The following FAM169A variants were observed in gnomAD, a reference collection of about 807,000 sequenced individuals.
The protein encoded by FAM169A is family with sequence similarity 169 member A.
A neutral mutation model predicts 75.7 loss-of-function variants in FAM169A; 24 were observed. That is an observed-to-expected ratio of 0.32 (90% CI 0.23 to 0.45). The LOEUF (loss-of-function observed/expected upper bound fraction) is 0.45. FAM169A is among the 20% of genes least tolerant of loss of function. The pLI, the probability that FAM169A is intolerant of heterozygous loss-of-function variation, is 1.00. For missense variants in FAM169A, 673 were observed against 784.0 expected, an observed-to-expected ratio of 0.86 and a Z score of 1.69; for synonymous variants, 271 against 271.0, an observed-to-expected ratio of 1.00 and a Z score of 0.00.
intron 4 of FAM169A, among the ~76,000 whole-genome samples, chr5:74,835,910 T>C (rs1052536182): frequency 5.3e-5 from 8 of 152,186 alleles, no homozygotes; most frequent in African/African-American, 7.2e-5. Flanking sequence ...TGCAGCCACA[T>C]AGCCTATAAA....
chr5:74,825,270 T>A (rs1319670522), intron 5 of FAM169A, among the ~76,000 whole-genome samples: 1 of 152,158 alleles, frequency 6.6e-6, no homozygotes, highest in Admixed American at 6.5e-5. Flanking sequence ...CCAATCTAGA[T>A]CAGTCAATCT....
chr5:74,863,669 AT>A (rs1750155874), intron 1 of FAM169A, among the ~76,000 whole-genome samples: 16 of 152,220 alleles, frequency 1.1e-4, no homozygotes, highest in Admixed American at 9.8e-4. Context: ...ATAGAGAAAA[AT>A]ATTCGATTTT....
intron 6 of FAM169A, among the ~76,000 whole-genome samples, chr5:74,811,691 T>C (rs912397632): frequency 2.0e-5 from 3 of 152,238 alleles, no homozygotes; most frequent in African/African-American, 7.2e-5. Context: ...TCTTACTTCA[T>C]TGAGTAGTTG....
intron 5 of FAM169A, among the ~76,000 whole-genome samples, chr5:74,822,115 G>C (rs1189812895): frequency 6.6e-6 from 1 of 152,174 alleles, no homozygotes; most frequent in Non-Finnish European, 1.5e-5. Flanking sequence ...GTTAAAGCAA[G>C]TTATAGGGCC....
intron 10 of FAM169A, chr5:74,800,128 G>A: frequency 1.9e-6 from 1 of 533,714 alleles, no homozygotes; most frequent in Non-Finnish European, 3.5e-6. Flanking sequence ...GCTGACTGCA[G>A]CTGTGCCGTG....
At chr5:74,817,172 C>T (rs766945868) in intron 5 of FAM169A, among the ~76,000 whole-genome samples, 12 of 151,988 alleles carry the variant, frequency 7.9e-5, no homozygotes, top group Non-Finnish European at 1.0e-4. Flanking sequence ...TTGCATTCGA[C>T]ATTGTACTAG....
intron 1 of FAM169A, among the ~76,000 whole-genome samples, chr5:74,847,096 G>A (rs1037639987): frequency 2.0e-5 from 3 of 151,990 alleles, no homozygotes; most frequent in African/African-American, 4.8e-5. Context: ...AAACCAAAAC[G>A]CATTCTTCTC....
Position 74,797,280 on chromosome 5 carries a change from G to A in FAM169A, c.1104-1094C>T, listed in dbSNP as rs546788109. Among the ~76,000 whole-genome samples the A allele has an allele frequency of 3.3e-5, 5 of 152,290 alleles. No individual in the cohort carries two copies. The South Asian group carries it at 1.0e-3, about 32-fold the overall frequency. ...CAACCTCCGCCTCCTGGGTTCAAAC[G>A]TTTCTCTTGCCTCAGCCTCCTGAGT... On this transcript the variant is annotated intron_variant, in intron 10 of 12. Transcript: ENST00000687041.
chr5:74,832,511 A>G (rs1353704837), intron 5 of FAM169A, among the ~76,000 whole-genome samples: 2 of 151,570 alleles, frequency 1.3e-5, no homozygotes, highest in African/African-American at 4.8e-5. Context: ...ACTTTCACTC[A>G]ACTACAAATC....
intron 12 of FAM169A, among the ~76,000 whole-genome samples, chr5:74,782,692 C>T (rs1745472180): frequency 6.6e-6 from 1 of 152,042 alleles, no homozygotes; most frequent in African/African-American, 2.4e-5. Context: ...TTCCTAACTA[C>T]AAAGTATTAA....
chr5:74,857,840 T>C (rs953276941), intron 1 of FAM169A, among the ~76,000 whole-genome samples: 4 of 152,074 alleles, frequency 2.6e-5, no homozygotes, highest in East Asian at 3.9e-4. Flanking sequence ...TCTCTGCCCA[T>C]TGTAAGTACT....
intron 5 of FAM169A, among the ~76,000 whole-genome samples, chr5:74,816,658 G>A (rs2112585883): frequency 6.6e-6 from 1 of 152,214 alleles, no homozygotes; most frequent in Non-Finnish European, 1.5e-5. Flanking sequence ...CATATTATCA[G>A]GGACTTTTAA....
At chr5:74,807,627 C>T (rs1015007286) in intron 6 of FAM169A, among the ~76,000 whole-genome samples, 1 of 152,016 alleles carries the variant, frequency 6.6e-6, no homozygotes, top group Non-Finnish European at 1.5e-5. Flanking sequence ...CTAGGATGAC[C>T]GGACACAACC....
intron 1 of FAM169A, among the ~76,000 whole-genome samples, chr5:74,842,021 A>C (rs1451818310): frequency 2.6e-5 from 4 of 152,102 alleles, no homozygotes; most frequent in Non-Finnish European, 5.9e-5. Context: ...CTCAACATAA[A>C]AGTCACTGTA....
rs968102060 is a variant in FAM169A, at chr5:74,781,301, T to C, written c.*159A>G. ...GAAAATTAAAAACAATGGTGAATTC[T>C]ACGTTCTAAAGGGAAGCAAAAAACT... On this transcript the variant is annotated 3_prime_UTR_variant, in exon 13 of 13. Transcript: ENST00000687041. 7.0e-6 allele frequency: 4 copies of C among 575,468 alleles called. No individual in the cohort carries two copies. Among genetic ancestry groups the C allele is most frequent in the Non-Finnish European group, 1.2e-5 (4 of 335,778 alleles). The allele number at this position is 575,468 out of a possible 1,614,324, so 35.6% of individuals were successfully genotyped here.
intron 5 of FAM169A, among the ~76,000 whole-genome samples, chr5:74,828,394 A>G (rs1748143084): frequency 6.6e-6 from 1 of 152,124 alleles, no homozygotes; most frequent in Non-Finnish European, 1.5e-5. Flanking sequence ...ACAACTCCAG[A>G]TTAGCAAGAT....
At chr5:74,861,439 C>G (rs958688004) in intron 1 of FAM169A, among the ~76,000 whole-genome samples, 2 of 152,128 alleles carry the variant, frequency 1.3e-5, no homozygotes. Flanking sequence ...AACTAAATAA[C>G]GTATATCCAA....
At position 74,781,606 on chromosome 5, in the gene FAM169A, C is replaced by A; in HGVS notation, c.1867G>T (p.Asp623Tyr). The A allele has an allele frequency of 6.2e-7, 1 of 1,614,172 alleles. No individual in the cohort carries two copies. The highest frequency in any genetic ancestry group is 8.5e-7 in the Non-Finnish European group (1 of 1,180,020). ...TTTTCTGCCGATTGTGTAAACTGAT[C>A]CAGTTGCTCGGAAGATGCTTCAGAC... The part of the protein sequence containing the change: ...EQSEASSEQL[D>Y]QFTQSAEKAV... Residue 623 changes from aspartate (D) to tyrosine (Y), a missense_variant, in exon 13 of 13, where the codon GAT (aspartate) becomes TAT (tyrosine). By Grantham distance (160) the Asp-to-Tyr change is radical. Transcript: ENST00000687041.
At position 74,866,349 on chromosome 5, in the gene FAM169A, G is replaced by A. The variant is rs1356726168; in HGVS notation, c.-188C>T. 5.5e-5 allele frequency: 54 copies of A among 984,294 alleles called. No individual in the cohort carries two copies. Among genetic ancestry groups the A allele is most frequent in the Non-Finnish European group, 1.2e-6 (1 of 829,612 alleles). 61.0% of individuals were successfully genotyped at this position (984,294 alleles called of 1,614,324 possible). A position where few individuals can be genotyped will look rare whatever the true frequency, so the allele number is the denominator to read the frequency against. On this transcript the variant is annotated 5_prime_UTR_variant, in exon 1 of 13. Coordinates refer to ENST00000687041, the MANE Select transcript of FAM169A (RefSeq NM_001376049.1). ...GACGCCCGGCTCCTCGTCGCGGGTC[G>A]GCCGCGGCCCACCGTGCCCTCCGAC...
Sources: gnomAD v4.1 joint callset for allele counts (sites outside exome capture counted in the v4.1 genomes callset) on GRCh38, gnomAD v4.1.1 for gene constraint, MANE v1.5 for transcripts, NCBI Gene and HGNC (gene_info 2026-07-23, HGNC 2026-07-21) for gene names.